The following CSGALNACT1 variants were observed in gnomAD, a reference collection of about 807,000 sequenced individuals.
CSGALNACT1 encodes the protein chondroitin sulfate N-acetylgalactosaminyltransferase 1, also known as beta4GalNAcT-1.
CSGALNACT1 carries 52 observed loss-of-function variants against 51.0 expected under a neutral mutation model. The observed-to-expected ratio is 1.02, with a 90% CI of 0.82 to 1.29. CSGALNACT1 has a LOEUF of 1.29. CSGALNACT1 is among the 50% of genes most tolerant of loss of function. The probability of loss-of-function intolerance (pLI) is 0.00; values close to 1 mark genes in which losing one functional copy is unlikely to be tolerated. For synonymous variants in CSGALNACT1, 341 were observed against 254.4 expected, an observed-to-expected ratio of 1.34 and a Z score of -3.24; for missense variants, 935 against 679.2, an observed-to-expected ratio of 1.38 and a Z score of -4.19.
chr8:19,719,635 C>T (rs1422654722), intron 1 of CSGALNACT1, among the ~76,000 whole-genome samples: 1 of 152,184 alleles, frequency 6.6e-6, no homozygotes, highest in African/African-American at 2.4e-5. Flanking sequence ...TACTGGGATT[C>T]TAGACCTTGA....
intron 3 of CSGALNACT1, among the ~76,000 whole-genome samples, chr8:19,557,974 A>T (rs1401631963): frequency 6.6e-6 from 1 of 152,230 alleles, no homozygotes; most frequent in Non-Finnish European, 1.5e-5. Context: ...TAAAAATGAA[A>T]ACATAAACAA....
chr8:19,707,384 C>T (rs1368140619), intron 1 of CSGALNACT1, among the ~76,000 whole-genome samples: 1 of 152,126 alleles, frequency 6.6e-6, no homozygotes, highest in Non-Finnish European at 1.5e-5. Flanking sequence ...TTCTGATACC[C>T]CGAATAGAAC....
rs114754948 is a variant in CSGALNACT1 at position 19,697,035 on chromosome 8, T to C, written c.-297+60815A>G. On this transcript the variant is annotated intron_variant, in intron 1 of 1. Coordinates refer to the CSGALNACT1 transcript ENST00000517494. ...GTAAGGACAGATGGCAGAGGGCCTG[T>C]GTGTGCCATCCATAGGAATTTCTCC... Among the ~76,000 whole-genome samples the C allele has an allele frequency of 7.0e-3, 1,072 of 152,256 alleles. 14 individuals carry two copies. The highest frequency in any genetic ancestry group is 0.024 in the African/African-American group (1,008 of 41,538).
At chr8:19,623,510 T>C (rs535931858) in intron 1 of CSGALNACT1, among the ~76,000 whole-genome samples, 1 of 152,352 alleles carries the variant, frequency 6.6e-6, no homozygotes, top group Admixed American at 6.5e-5. Flanking sequence ...CACTCTTCAA[T>C]ACTATATCCA....
At chr8:19,431,500 T>C (rs1463261895) in intron 6 of CSGALNACT1, among the ~76,000 whole-genome samples, 4 of 152,004 alleles carry the variant, frequency 2.6e-5, no homozygotes, top group Non-Finnish European at 5.9e-5. Context: ...CTTGCATTCC[T>C]GAAAAAAAAA....
chr8:19,587,545 T>C (rs773747173), intron 3 of CSGALNACT1, among the ~76,000 whole-genome samples: 48 of 152,208 alleles, frequency 3.2e-4, no homozygotes, highest in Non-Finnish European at 5.0e-4. Context: ...AAGTTATGAA[T>C]GAAGATGAGA....
intron 1 of CSGALNACT1, among the ~76,000 whole-genome samples, chr8:19,705,244 A>T (rs550215493): frequency 6.5e-4 from 99 of 152,346 alleles, no homozygotes; most frequent in Non-Finnish European, 1.0e-3. Context: ...GTAAATCAGT[A>T]ATTCTACCTT....
chr8:19,516,144 A>T (rs181995268), intron 3 of CSGALNACT1, among the ~76,000 whole-genome samples: 28 of 152,288 alleles, frequency 1.8e-4, no homozygotes, highest in African/African-American at 6.3e-4. Flanking sequence ...GCACTTAGTG[A>T]GCATTTACGT....
chr8:19,735,370 G>C (rs939305528), intron 1 of CSGALNACT1, among the ~76,000 whole-genome samples: 1 of 151,994 alleles, frequency 6.6e-6, no homozygotes, highest in South Asian at 2.1e-4. Flanking sequence ...ATAAATATAA[G>C]TCCTCTCTGA....
chr8:19,536,099 AAGTG>A, intron 3 of CSGALNACT1, among the ~76,000 whole-genome samples: 1 of 152,232 alleles, frequency 6.6e-6, no homozygotes, highest in East Asian at 1.9e-4. Context: ...CTCCTTGAGT[AAGTG>A]AGTGAGTCCA....
At chr8:19,594,211 G>A (rs368255867) in intron 2 of CSGALNACT1, among the ~76,000 whole-genome samples, 19 of 152,208 alleles carry the variant, frequency 1.2e-4, no homozygotes, top group East Asian at 5.8e-4. Flanking sequence ...TTTAAGGCAC[G>A]GAAAAGGAGA....
intron 1 of CSGALNACT1, among the ~76,000 whole-genome samples, chr8:19,625,921 A>G (rs983136620): frequency 5.3e-5 from 8 of 152,222 alleles, no homozygotes; most frequent in African/African-American, 1.9e-4. Flanking sequence ...AATCAGGCTA[A>G]ATAATCTCTA....
At chr8:19,483,846 A>C (rs1052073720) in intron 4 of CSGALNACT1, among the ~76,000 whole-genome samples, 1 of 152,212 alleles carries the variant, frequency 6.6e-6, no homozygotes, top group African/African-American at 2.4e-5. Context: ...CTTTCTTCCA[A>C]TGTATTGTCC....
chr8:19,656,406 C>A (rs2058275616), intron 1 of CSGALNACT1, among the ~76,000 whole-genome samples: 1 of 152,020 alleles, frequency 6.6e-6, no homozygotes, highest in South Asian at 2.1e-4. Context: ...TAAGGTGATT[C>A]CAGGATGCTA....
intron 3 of CSGALNACT1, among the ~76,000 whole-genome samples, chr8:19,552,357 C>T (rs776571329): frequency 1.3e-5 from 2 of 152,058 alleles, no homozygotes; most frequent in Non-Finnish European, 2.9e-5. Context: ...GTTTTCTTTT[C>T]TGGAATAATA....
At chr8:19,704,915 G>A (rs901662054) in intron 1 of CSGALNACT1, among the ~76,000 whole-genome samples, 3 of 152,142 alleles carry the variant, frequency 2.0e-5, no homozygotes, top group Admixed American at 2.0e-4. Flanking sequence ...AGACTAAAAG[G>A]GTAGTTACTG....
intron 4 of CSGALNACT1, among the ~76,000 whole-genome samples, chr8:19,488,175 C>A (rs1019068704): frequency 6.6e-6 from 1 of 151,638 alleles, no homozygotes; most frequent in Non-Finnish European, 1.5e-5. Flanking sequence ...AATAGTGAAA[C>A]TCCATCTCTA....
At chr8:19,404,622 A>ATATT (rs1554492618) in exon 10 of CSGALNACT1, 193 of 434,138 alleles carry the variant, frequency 4.4e-4, no homozygotes, top group Middle Eastern at 7.5e-4. Flanking sequence ...ATATATATAT[A>ATATT]TTTTTTTCTC....
intron 6 of CSGALNACT1, among the ~76,000 whole-genome samples, chr8:19,431,803 G>A (rs1194087055): frequency 1.7e-5 from 2 of 118,154 alleles, no homozygotes; most frequent in East Asian, 1.1e-3. Context: ...TCTGTGGAAA[G>A]TTCTTTTTTC....
Sources: gnomAD v4.1 joint callset for allele counts (sites outside exome capture counted in the v4.1 genomes callset) on GRCh38, gnomAD v4.1.1 for gene constraint, MANE v1.5 for transcripts, NCBI Gene and HGNC (gene_info 2026-07-23, HGNC 2026-07-21) for gene names.